B3GALT1: variants seen among roughly 807,000 people sequenced by gnomAD.
The protein encoded by B3GALT1 is beta-1,3-galactosyltransferase 1, also known as UDP-Gal:betaGlcNAc beta 1,3-galactosyltransferase, polypeptide 1.
B3GALT1 carries 10 observed loss-of-function variants against 23.2 expected under a neutral mutation model. The ratio of observed to expected loss-of-function variants is 0.43; its 90% CI spans 0.27 to 0.73. B3GALT1 has a LOEUF of 0.73. B3GALT1 is among the 30% of genes least tolerant of loss of function. B3GALT1 has a pLI of 0.21. For synonymous variants in B3GALT1, 156 were observed against 141.5 expected (o/e 1.10, Z -0.73); for missense variants, 299 against 405.4 (o/e 0.74, Z 2.25).
intron 2 of B3GALT1, among the ~76,000 whole-genome samples, chr2:167,615,655 TAAAA>T (rs201476994): frequency 2.6e-5 from 4 of 150,980 alleles, no homozygotes; most frequent in African/African-American, 4.9e-5. Flanking sequence ...AATTAAAAAA[TAAAA>T]AAAAATTGAA....
chr2:167,512,641 T>TC (rs1387234664), intron 2 of B3GALT1, among the ~76,000 whole-genome samples: 1 of 134,344 alleles, frequency 7.4e-6, no homozygotes, highest in African/African-American at 2.8e-5. Context: ...TATATACATA[T>TC]ATATATATAT....
intron 3 of B3GALT1, among the ~76,000 whole-genome samples, chr2:167,676,196 C>T (rs1686421767): frequency 6.6e-6 from 1 of 152,068 alleles, no homozygotes; most frequent in Non-Finnish European, 1.5e-5. Flanking sequence ...GTTCTCAACA[C>T]TCCCCTCTCT....
chr2:167,656,273 T>C (rs918627753), intron 3 of B3GALT1, among the ~76,000 whole-genome samples: 7 of 152,186 alleles, frequency 4.6e-5, no homozygotes, highest in African/African-American at 1.7e-4. Flanking sequence ...TCTGAGAAAG[T>C]AATCATTCTT....
chr2:167,380,352 C>G (rs534335325), intron 1 of B3GALT1, among the ~76,000 whole-genome samples: 10 of 152,284 alleles, frequency 6.6e-5, no homozygotes, highest in African/African-American at 2.4e-4. Context: ...TTCCAGGTTG[C>G]CAAGCTGGCC....
chr2:167,321,484 T>C (rs561516497), intron 1 of B3GALT1, among the ~76,000 whole-genome samples: 2 of 152,140 alleles, frequency 1.3e-5, no homozygotes, highest in African/African-American at 2.4e-5. Flanking sequence ...TCTCAGCTTA[T>C]AACATCTCCT....
chr2:167,389,677 C>G (rs1418145497), intron 1 of B3GALT1, among the ~76,000 whole-genome samples: 1 of 151,826 alleles, frequency 6.6e-6, no homozygotes, highest in African/African-American at 2.4e-5. Flanking sequence ...GCCAGAGGAC[C>G]CTAGTCAGAG....
intron 1 of B3GALT1, among the ~76,000 whole-genome samples, chr2:167,377,704 C>T (rs1697786110): frequency 6.6e-6 from 1 of 151,730 alleles, no homozygotes; most frequent in African/African-American, 2.4e-5. Context: ...TACTTTGAAC[C>T]TATGGGTGTC....
chr2:167,863,990 ATGTGTG>A (rs34276280), intron 4 of B3GALT1, among the ~76,000 whole-genome samples: 98 of 143,724 alleles, frequency 6.8e-4, no homozygotes, highest in Middle Eastern at 3.4e-3. Context: ...GCATGTATGT[ATGTGTG>A]TGTGTGTGTG....
intron 1 of B3GALT1, among the ~76,000 whole-genome samples, chr2:167,408,125 C>G (rs148583104): frequency 6.6e-6 from 1 of 151,070 alleles, no homozygotes; most frequent in African/African-American, 2.4e-5. Flanking sequence ...ACAAAATCTT[C>G]AACAAAATGC....
intron 2 of B3GALT1, among the ~76,000 whole-genome samples, chr2:167,607,660 A>G (rs910996191): frequency 6.6e-6 from 1 of 152,226 alleles, no homozygotes; most frequent in African/African-American, 2.4e-5. Context: ...GGTAAATACT[A>G]CAATGCATTA....
intron 3 of B3GALT1, among the ~76,000 whole-genome samples, chr2:167,708,648 C>G (rs1014945211): frequency 6.6e-6 from 1 of 152,056 alleles, no homozygotes; most frequent in African/African-American, 2.4e-5. Context: ...GCAACAAGAG[C>G]GAGACTCCAT....
At chr2:167,850,681 T>C (rs1689861834) in intron 4 of B3GALT1, among the ~76,000 whole-genome samples, 1 of 152,162 alleles carries the variant, frequency 6.6e-6, no homozygotes, top group Admixed American at 6.5e-5. Flanking sequence ...GAAACTGATA[T>C]TGGAGACTAT....
intron 2 of B3GALT1, among the ~76,000 whole-genome samples, chr2:167,570,513 G>A (rs550673199): frequency 6.6e-6 from 1 of 151,946 alleles, no homozygotes; most frequent in South Asian, 2.1e-4. Flanking sequence ...TGCATTATTT[G>A]CTTCTAAGCG....
rs970778646 is a variant in B3GALT1 at position 167,510,815 on chromosome 2, T to C, written c.-410+20538T>C. Among the ~76,000 whole-genome samples, 8 of 152,182 alleles carry C rather than the reference T, an allele frequency of 5.3e-5. No homozygotes were observed. In the South Asian group the frequency reaches 8.3e-4, roughly 16 times the overall value. On this transcript the variant is annotated intron_variant, in intron 2 of 4. Transcript: ENST00000392690. ...TAAAGCATTCAGGTGGAAATGTCAG[T>C]TAGATAATTAACTTTATGAATTTGG...
At chr2:167,446,815 C>T (rs1336862656) in intron 1 of B3GALT1, among the ~76,000 whole-genome samples, 1 of 151,992 alleles carries the variant, frequency 6.6e-6, no homozygotes, top group Non-Finnish European at 1.5e-5. Flanking sequence ...GAACATCCTC[C>T]TTTAGCTCAG....
intron 3 of B3GALT1, among the ~76,000 whole-genome samples, chr2:167,755,509 G>A (rs865947110): frequency 2.7e-5 from 4 of 147,626 alleles, no homozygotes; most frequent in African/African-American, 9.8e-5. Context: ...TCAATGAGGG[G>A]TGAGGAAGGG....
chr2:167,755,034 G>A (rs1423764118), intron 3 of B3GALT1, among the ~76,000 whole-genome samples: 1 of 152,008 alleles, frequency 6.6e-6, no homozygotes, highest in Non-Finnish European at 1.5e-5. Flanking sequence ...GTTGTAGGGG[G>A]CGGGGTGATG....
At chr2:167,581,598 C>A (rs1213831995) in intron 2 of B3GALT1, among the ~76,000 whole-genome samples, 4 of 152,158 alleles carry the variant, frequency 2.6e-5, no homozygotes, top group African/African-American at 4.8e-5. Flanking sequence ...TTTTCTGATT[C>A]CAGCTCTGAC....
At chr2:167,753,553 G>A (rs1687771955) in intron 3 of B3GALT1, among the ~76,000 whole-genome samples, 1 of 152,114 alleles carries the variant, frequency 6.6e-6, no homozygotes. Flanking sequence ...CACTGAGAAG[G>A]CATCCTGGGG....
Sources: allele counts gnomAD v4.1 joint callset (sites outside exome capture counted in the v4.1 genomes callset), GRCh38; gene constraint gnomAD v4.1.1; transcripts MANE v1.5; gene names NCBI Gene and HGNC (gene_info 2026-07-23, HGNC 2026-07-21).